The following MTMR12 variants were observed in gnomAD, a reference collection of about 807,000 sequenced individuals.
The protein encoded by MTMR12 is myotubularin related protein 12, also known as myotubularin-related protein 12.
MTMR12 carries 33 observed loss-of-function variants against 96.7 expected under a neutral mutation model. That is an observed-to-expected ratio of 0.34 (90% CI 0.26 to 0.46). The LOEUF (loss-of-function observed/expected upper bound fraction) is 0.46. Ranked by LOEUF, MTMR12 falls within the 20% of genes least tolerant of loss-of-function variation. The pLI, the probability that MTMR12 is intolerant of heterozygous loss-of-function variation, is 1.00. For missense variants in MTMR12, 721 were observed against 896.1 expected (o/e 0.80, Z 2.49); for synonymous variants, 298 against 327.2 (o/e 0.91, Z 0.96).
intron 1 of MTMR12, among the ~76,000 whole-genome samples, chr5:32,310,487 C>A (rs1427888436): frequency 1.3e-5 from 2 of 152,208 alleles, no homozygotes; most frequent in Non-Finnish European, 2.9e-5. Context: ...GAATAAGATC[C>A]TGTCATTTGT....
chr5:32,237,731 C>T (rs1171112620), intron 13 of MTMR12, among the ~76,000 whole-genome samples: 2 of 151,740 alleles, frequency 1.3e-5, no homozygotes, highest in African/African-American at 2.4e-5. Flanking sequence ...AGGATGGTGT[C>T]GACCTCCTGA....
At chr5:32,301,489 C>G (rs1256219605) in intron 1 of MTMR12, among the ~76,000 whole-genome samples, 1 of 152,226 alleles carries the variant, frequency 6.6e-6, no homozygotes, top group Non-Finnish European at 1.5e-5. Context: ...GACAGGGACA[C>G]ATTGGGAAGT....
At chr5:32,232,647 A>C (rs1748042042) in intron 15 of MTMR12, among the ~76,000 whole-genome samples, 1 of 152,224 alleles carries the variant, frequency 6.6e-6, no homozygotes, top group Admixed American at 6.5e-5. Context: ...GGCACAACAC[A>C]CTGAAGAAAA....
rs769295604 is a variant in MTMR12 at position 32,248,082 on chromosome 5, G to A, written c.941C>T (p.Thr314Met). 26 of 1,613,750 alleles carry A rather than the reference G, an allele frequency of 1.6e-5. No individual in the cohort carries two copies. Among genetic ancestry groups the A allele is most frequent in the Middle Eastern group, 1.6e-4 (1 of 6,084 alleles). Residue 314 changes from threonine to methionine, a missense_variant, in exon 10 of 16, where the codon ACG becomes ATG. Physicochemically the swap from Thr to Met is moderately conservative, Grantham distance 81 (BLOSUM62 -1). Coordinates refer to ENST00000382142, the MANE Select transcript of MTMR12 (RefSeq NM_001040446.3). Reference sequence around the variant, plus strand: ...CAGGAAGTTGCTTGACAGGTCTTCCGTTTTAACAATTTCATAGGGTGGCCT... The same window carrying A: ...CAGGAAGTTGCTTGACAGGTCTTCCATTTTAACAATTTCATAGGGTGGCCT... The part of the protein sequence containing the change: ...IHRPPYEIVK[T>M]EDLSSNFLSL...
chr5:32,233,757 CAT>C lies in MTMR12; in HGVS notation c.1674+14_1674+15del, dbSNP rs756628579. On this transcript the variant is annotated intron_variant, in intron 15 of 15. Transcript: ENST00000382142. This position sits in a 1 kb window ranked among gnomAD's most constrained non-coding sequence, Gnocchi z 5.0. ...TCTGGGCAGCTGAAGGGGGTTTAGA[CAT>C]GTGGACATCTTACTTTGAAGCGCAT... The C allele has an allele frequency of 8.1e-6, 13 of 1,614,086 alleles. No individual in the cohort carries two copies. Among genetic ancestry groups the C allele is most frequent in the Non-Finnish European group, 1.1e-5 (13 of 1,180,034 alleles).
chr5:32,235,360 T>TA (rs1450598163), intron 13 of MTMR12, among the ~76,000 whole-genome samples: 1 of 152,196 alleles, frequency 6.6e-6, no homozygotes, highest in Non-Finnish European at 1.5e-5. Flanking sequence ...ACGAAATATG[T>TA]AAAAACCTCA....
At chr5:32,295,670 C>A (rs1289251441) in intron 1 of MTMR12, among the ~76,000 whole-genome samples, 1 of 152,188 alleles carries the variant, frequency 6.6e-6, no homozygotes, top group Non-Finnish European at 1.5e-5. Context: ...CTTTCAATGT[C>A]CTATGTCACT....
intron 1 of MTMR12, chr5:32,309,620 C>G (rs1751499413): frequency 6.6e-6 from 1 of 152,122 alleles, no homozygotes; most frequent in Non-Finnish European, 1.5e-5. Context: ...ACGTGCTTAA[C>G]ATCATTGATC....
At chr5:32,256,344 T>C (rs147287108) in intron 7 of MTMR12, among the ~76,000 whole-genome samples, 2 of 152,216 alleles carry the variant, frequency 1.3e-5, no homozygotes, top group East Asian at 3.8e-4. Flanking sequence ...CTATGAGATA[T>C]GTAATATTAT....
rs753583365 is a variant in MTMR12, at chr5:32,248,853, C to T, written c.815G>A (p.Gly272Glu). 1.9e-6 allele frequency: 3 copies of T among 1,614,076 alleles called. No individual in the cohort carries two copies. Among genetic ancestry groups the T allele is most frequent in the Middle Eastern group, 3.3e-4 (2 of 6,060 alleles). Residue 272 changes from glycine to glutamate, a missense_variant, in exon 9 of 16, where the codon GGA becomes GAA. By Grantham distance (98) the Gly-to-Glu change is moderately conservative (BLOSUM62 -2). Transcript: ENST00000382142. ...TGCTGACATTTTCAAAAGGGCACTT[C>T]CATTGTGGCAGGACCAACACCATAT... ...IPIWCWSCHN[G>E]SALLKMSALP...
Position 32,263,355 on chromosome 5 carries a change from C to T in MTMR12, c.584-113G>A, listed in dbSNP as rs1749448895. On this transcript the variant is annotated intron_variant, in intron 6 of 15. Transcript: ENST00000382142. ...TTTCCTCCACTAAGCCCATTTTTAT[C>T]CAAGCAGAATGAATTGATTGCTTAA... 3.1e-6 allele frequency: 4 copies of T among 1,290,080 alleles called. No homozygotes were observed. The Admixed American group carries it at 6.7e-5, about 22-fold the overall frequency. 79.9% of individuals were successfully genotyped at this position (1,290,080 alleles called of 1,614,324 possible).
At chr5:32,302,447 G>A (rs370386670) in intron 1 of MTMR12, among the ~76,000 whole-genome samples, 40 of 152,220 alleles carry the variant, frequency 2.6e-4, no homozygotes, top group Admixed American at 8.5e-4. Context: ...GGCTGGGTAC[G>A]GTGGCTCACG....
intron 14 of MTMR12, among the ~76,000 whole-genome samples, chr5:32,234,451 A>G (rs1358164634): frequency 6.6e-6 from 1 of 152,234 alleles, no homozygotes; most frequent in East Asian, 1.9e-4. Context: ...GGAAAAGGCT[A>G]GCTTCCCTGA....
rs768552564 is a variant in MTMR12, at chr5:32,230,000, T to C, written c.2022A>G (p.Leu674=). 5.0e-6 allele frequency: 8 copies of C among 1,613,350 alleles called. No individual in the cohort carries two copies. The highest frequency in any genetic ancestry group is 5.1e-6 in the Non-Finnish European group (6 of 1,179,352). Residue 674 remains leucine (L), a synonymous_variant, in exon 16 of 16, where the codon TTA becomes TTG. Coordinates refer to ENST00000382142, the MANE Select transcript of MTMR12 (RefSeq NM_001040446.3). ...LLEMMEEVQS[L]QEKIDERHHS... Reference sequence around the variant, plus strand: ...GGTGTCTCTCGTCGATCTTCTCTTGTAAACTCTGGACTTCCTCCATCATTT... The same window carrying C: ...GGTGTCTCTCGTCGATCTTCTCTTGCAAACTCTGGACTTCCTCCATCATTT...
intron 1 of MTMR12, among the ~76,000 whole-genome samples, chr5:32,295,147 T>G (rs1450033750): frequency 3.3e-5 from 5 of 152,248 alleles, no homozygotes; most frequent in Admixed American, 1.3e-4. Flanking sequence ...GCCAGAAGGC[T>G]TGGCTCCCTC....
intron 1 of MTMR12, among the ~76,000 whole-genome samples, chr5:32,300,655 A>ACC: frequency 6.6e-6 from 1 of 152,200 alleles, no homozygotes. Flanking sequence ...TTATAGGTAC[A>ACC]TCAGGTTCTT....
In MTMR12 at chr5:32,229,064, G is replaced by A. The variant is rs1747887716; in HGVS notation, c.*714C>T. ...CGCACCAAGGCAGGGAGTGCAGAGG[G>A]ACAGCGGCGAGTGGTGTGGAGCAGG... On this transcript the variant is annotated 3_prime_UTR_variant, in exon 16 of 16. Transcript: ENST00000382142. 6.6e-6 allele frequency: 1 copy of A among 152,482 alleles called. No homozygotes were observed. Among genetic ancestry groups the A allele is most frequent in the African/African-American group, 2.4e-5 (1 of 41,420 alleles). The allele number at this position is 152,482 out of a possible 1,614,324, so 9.4% of individuals were successfully genotyped here. A position where few individuals can be genotyped will look rare whatever the true frequency, so the allele number is the denominator to read the frequency against.
intron 1 of MTMR12, among the ~76,000 whole-genome samples, chr5:32,304,361 T>C (rs374686473): frequency 1.3e-5 from 2 of 151,876 alleles, no homozygotes; most frequent in East Asian, 3.9e-4. Context: ...CCATATGAGA[T>C]ACACACTCAC....
At chr5:32,311,907 T>C (rs1347876243) in intron 1 of MTMR12, among the ~76,000 whole-genome samples, 1 of 152,188 alleles carries the variant, frequency 6.6e-6, no homozygotes, top group Non-Finnish European at 1.5e-5. Flanking sequence ...TTTCTTTTCT[T>C]TCCCATGATA....
Sources: gnomAD v4.1 joint callset for allele counts (sites outside exome capture counted in the v4.1 genomes callset) on GRCh38, gnomAD v4.1.1 for gene constraint, Gnocchi (gnomAD v3.1) non-coding constraint, MANE v1.5 for transcripts, NCBI Gene and HGNC (gene_info 2026-07-23, HGNC 2026-07-21) for gene names.